The following SPOCK1 variants were observed in gnomAD, a reference collection of about 807,000 sequenced individuals.
The protein encoded by SPOCK1 is SPARC (osteonectin), cwcv and kazal like domains proteoglycan 1, also known as testican-1.
Under a neutral mutation model 55.3 loss-of-function variants are expected in SPOCK1, and 23 were observed. The ratio of observed to expected loss-of-function variants is 0.42; its 90% CI spans 0.30 to 0.59. SPOCK1 has a LOEUF of 0.59. SPOCK1 is among the 20% of genes least tolerant of loss of function. The probability of loss-of-function intolerance (pLI) is 0.22; values close to 1 mark genes in which losing one functional copy is unlikely to be tolerated. For missense variants in SPOCK1, 499 were observed against 552.5 expected (o/e 0.90, Z 0.97); for synonymous variants, 226 against 221.0 (o/e 1.02, Z -0.20).
At chr5:137,161,108 AATATATAAT>A (rs1391916206) in intron 3 of SPOCK1, among the ~76,000 whole-genome samples, 2 of 146,664 alleles carry the variant, frequency 1.4e-5, no homozygotes, top group African/African-American at 5.0e-5. Flanking sequence ...ATATATATCT[AATATATAAT>A]ATATATAATA....
intron 3 of SPOCK1, among the ~76,000 whole-genome samples, chr5:137,160,512 C>CAT (rs145002200): frequency 2.9e-4 from 22 of 76,638 alleles, no homozygotes; most frequent in African/African-American, 1.1e-3. Flanking sequence ...TATATATACA[C>CAT]ATATATATAT....
chr5:137,213,018 A>G (rs1755647733), intron 3 of SPOCK1, among the ~76,000 whole-genome samples: 1 of 152,210 alleles, frequency 6.6e-6, no homozygotes, highest in Non-Finnish European at 1.5e-5. Flanking sequence ...AATGCACTGC[A>G]GAGGCCTCTG....
chr5:137,457,394 G>A (rs1253889845), intron 2 of SPOCK1, among the ~76,000 whole-genome samples: 1 of 152,140 alleles, frequency 6.6e-6, no homozygotes, highest in Non-Finnish European at 1.5e-5. Context: ...ATCAGTGTGG[G>A]GCAGTGGGAG....
intron 3 of SPOCK1, among the ~76,000 whole-genome samples, chr5:137,175,851 A>G (rs1264468318): frequency 6.6e-6 from 1 of 152,144 alleles, no homozygotes; most frequent in Non-Finnish European, 1.5e-5. Flanking sequence ...GGTACACCTC[A>G]GCACATGCAA....
chr5:137,104,656 G>A (rs899868893), intron 5 of SPOCK1, among the ~76,000 whole-genome samples: 9 of 152,038 alleles, frequency 5.9e-5, no homozygotes, highest in Non-Finnish European at 1.0e-4. Context: ...ATAGGAGTGC[G>A]AATCCTACTG....
intron 6 of SPOCK1, among the ~76,000 whole-genome samples, chr5:137,028,594 C>CAGATGGGTCCTGGGGTAGAG (rs1189170464): frequency 6.6e-6 from 1 of 152,084 alleles, no homozygotes; most frequent in Non-Finnish European, 1.5e-5. Context: ...AGGAAGTTTA[C>CAGATGGGTCCTGGGGTAGAG]AGATGGGTCC....
chr5:137,152,899 C>T (rs1269349013), intron 3 of SPOCK1, among the ~76,000 whole-genome samples: 1 of 152,154 alleles, frequency 6.6e-6, no homozygotes, highest in African/African-American at 2.4e-5. Flanking sequence ...CTTACACCAC[C>T]CTGTGAGGCC....
chr5:137,204,839 A>G (rs1272468103), intron 3 of SPOCK1, among the ~76,000 whole-genome samples: 2 of 152,048 alleles, frequency 1.3e-5, no homozygotes, highest in African/African-American at 4.8e-5. Context: ...CCCTCACTGT[A>G]TATACCCTAG....
intron 2 of SPOCK1, among the ~76,000 whole-genome samples, chr5:137,292,831 C>A (rs1394460689): frequency 6.6e-6 from 1 of 152,178 alleles, no homozygotes; most frequent in Non-Finnish European, 1.5e-5. Context: ...TGATTTATCA[C>A]TGGACAAACA....
At chr5:137,298,660 T>C (rs1051751582) in intron 2 of SPOCK1, among the ~76,000 whole-genome samples, 4 of 152,222 alleles carry the variant, frequency 2.6e-5, no homozygotes, top group African/African-American at 9.6e-5. Flanking sequence ...GTTCAAATAA[T>C]TTGAAGTTCT....
At chr5:137,332,419 T>A (rs1259731395) in intron 2 of SPOCK1, among the ~76,000 whole-genome samples, 1 of 152,110 alleles carries the variant, frequency 6.6e-6, no homozygotes, top group African/African-American at 2.4e-5. Flanking sequence ...TCATCCACCA[T>A]CTGCGCTCTG....
chr5:137,244,716 C>T (rs1252535421), intron 3 of SPOCK1, among the ~76,000 whole-genome samples: 1 of 152,174 alleles, frequency 6.6e-6, no homozygotes, highest in African/African-American at 2.4e-5. Flanking sequence ...GGAACTGGGG[C>T]TACCAAACAT....
chr5:137,453,317 A>G (rs903243601), intron 2 of SPOCK1, among the ~76,000 whole-genome samples: 2 of 152,046 alleles, frequency 1.3e-5, no homozygotes, highest in African/African-American at 4.8e-5. Context: ...CTTCATATAC[A>G]CCTCTCATTA....
chr5:137,178,679 C>G (rs1167286809), intron 3 of SPOCK1, among the ~76,000 whole-genome samples: 3 of 152,220 alleles, frequency 2.0e-5, no homozygotes, highest in Non-Finnish European at 4.4e-5. Flanking sequence ...TGGGGCCACC[C>G]TCACACCAGT....
chr5:137,086,855 T>C (rs962041948), intron 5 of SPOCK1, among the ~76,000 whole-genome samples: 6 of 152,054 alleles, frequency 3.9e-5, no homozygotes, highest in African/African-American at 1.4e-4. Context: ...CCCTCCCTTC[T>C]ACTAAGTTTT....
intron 6 of SPOCK1, among the ~76,000 whole-genome samples, chr5:137,014,259 G>A (rs1473871956): frequency 6.6e-6 from 1 of 151,960 alleles, no homozygotes; most frequent in South Asian, 2.1e-4. Context: ...GCTTTCTGAG[G>A]TCTCCCCAGA....
chr5:137,268,444 T>A lies in SPOCK1; in HGVS notation c.187-1389A>T, dbSNP rs1435281048. ...TCTTTGAGCTCTTTACCATGAAATA[T>A]CACTAAGGAAATTTAAAACAGTCTC... On this transcript the variant is annotated intron_variant, in intron 2 of 10. Coordinates refer to ENST00000394945, the MANE Select transcript of SPOCK1 (RefSeq NM_004598.4). Among the ~76,000 whole-genome samples the A allele has an allele frequency of 6.6e-5, 10 of 152,304 alleles. No individual in the cohort carries two copies. In the East Asian group the frequency reaches 1.9e-3, roughly 29 times the overall value.
At chr5:137,191,861 C>G (rs188857445) in intron 3 of SPOCK1, among the ~76,000 whole-genome samples, 1 of 152,162 alleles carries the variant, frequency 6.6e-6, no homozygotes. Context: ...ATTCTACTTT[C>G]CAACAAACTC....
intron 3 of SPOCK1, among the ~76,000 whole-genome samples, chr5:137,228,698 C>T (rs1755995334): frequency 6.6e-6 from 1 of 152,118 alleles, no homozygotes; most frequent in South Asian, 2.1e-4. Context: ...CAAAATATTG[C>T]TTGAATGTTA....
Sources: allele counts gnomAD v4.1 joint callset (sites outside exome capture counted in the v4.1 genomes callset), GRCh38; gene constraint gnomAD v4.1.1; transcripts MANE v1.5; gene names NCBI Gene and HGNC (gene_info 2026-07-23, HGNC 2026-07-21).